PDE1C: variants seen among roughly 807,000 people sequenced by gnomAD.
PDE1C encodes the protein dual specificity calcium/calmodulin-dependent 3',5'-cyclic nucleotide phosphodiesterase 1C.
A neutral mutation model predicts 93.1 loss-of-function variants in PDE1C; 62 were observed. The observed-to-expected ratio is 0.67, with a 90% CI of 0.54 to 0.82. The LOEUF is 0.82. Ranked by LOEUF, PDE1C falls within the 40% of genes least tolerant of loss-of-function variation. The pLI, the probability that PDE1C is intolerant of heterozygous loss-of-function variation, is 0.00. For missense variants in PDE1C, 742 were observed against 884.6 expected, an observed-to-expected ratio of 0.84 and a Z score of 2.04; for synonymous variants, 325 against 310.1, an observed-to-expected ratio of 1.05 and a Z score of -0.50.
intron 1 of PDE1C, among the ~76,000 whole-genome samples, chr7:32,353,779 G>A (rs1317618401): frequency 6.6e-6 from 1 of 152,002 alleles, no homozygotes; most frequent in Non-Finnish European, 1.5e-5. Context: ...ATAGAAGAAG[G>A]TATTTTTCTC....
intron 2 of PDE1C, among the ~76,000 whole-genome samples, chr7:32,207,807 G>A (rs1366559003): frequency 6.6e-6 from 1 of 152,108 alleles, no homozygotes. Flanking sequence ...TCTGTGAAGG[G>A]ACAAATTGCC....
At chr7:31,790,176 G>T in intron 16 of PDE1C, 1 of 1,604,012 alleles carries the variant, frequency 6.2e-7, no homozygotes, top group Non-Finnish European at 8.5e-7. Flanking sequence ...GGAGAAGAAG[G>T]AGAATGAAGA....
intron 3 of PDE1C, among the ~76,000 whole-genome samples, chr7:32,122,988 A>C (rs959641134): frequency 6.6e-6 from 1 of 152,202 alleles, no homozygotes; most frequent in Admixed American, 6.5e-5. Flanking sequence ...AGAAGAAAAG[A>C]GACAAGAATA....
At chr7:32,080,799 A>G (rs1308463908) in intron 3 of PDE1C, among the ~76,000 whole-genome samples, 1 of 152,208 alleles carries the variant, frequency 6.6e-6, no homozygotes, top group Non-Finnish European at 1.5e-5. Context: ...TAAAAGAATA[A>G]CATATCTATG....
intron 2 of PDE1C, among the ~76,000 whole-genome samples, chr7:32,015,480 G>A (rs889410473): frequency 6.6e-5 from 10 of 152,052 alleles, no homozygotes; most frequent in East Asian, 1.9e-4. Flanking sequence ...AACATGCAGC[G>A]GAAATAAAAA....
the PDE1C span, among the ~76,000 whole-genome samples, chr7:31,690,305 T>C: frequency 6.6e-6 from 1 of 152,254 alleles, no homozygotes; most frequent in Non-Finnish European, 1.5e-5. Context: ...GTGCTAAGCA[T>C]GCAGCTATGC....
the PDE1C span, among the ~76,000 whole-genome samples, chr7:31,724,468 A>G: frequency 6.6e-6 from 1 of 152,198 alleles, no homozygotes; most frequent in Non-Finnish European, 1.5e-5. Context: ...TTTATCCAAT[A>G]TCATCCGAAA....
At chr7:31,824,742 A>C in intron 13 of PDE1C, 125 bp downstream of exon 13, 1 of 1,261,534 alleles carries the variant, frequency 7.9e-7, no homozygotes, top group Non-Finnish European at 1.1e-6. Context: ...AGGCAGACAA[A>C]TTTTTCTGAG....
chr7:31,683,878 T>C, the PDE1C span, among the ~76,000 whole-genome samples: 3 of 152,226 alleles, frequency 2.0e-5, no homozygotes, highest in Non-Finnish European at 4.4e-5. Flanking sequence ...GTGAAATATA[T>C]TCATTTAAAG....
intron 2 of PDE1C, among the ~76,000 whole-genome samples, chr7:31,920,630 A>C (rs945496220): frequency 1.3e-5 from 2 of 152,200 alleles, no homozygotes; most frequent in Non-Finnish European, 2.9e-5. Flanking sequence ...AAAAATAATA[A>C]AATTATCACA....
chr7:32,318,898 T>C, intron 1 of PDE1C, among the ~76,000 whole-genome samples: 1 of 152,180 alleles, frequency 6.6e-6, no homozygotes, highest in Non-Finnish European at 1.5e-5. Flanking sequence ...GGCTCTGGAC[T>C]GAGGTTCGGG....
chr7:31,715,452 T>C, the PDE1C span, among the ~76,000 whole-genome samples: 3 of 152,340 alleles, frequency 2.0e-5, no homozygotes, highest in East Asian at 5.8e-4. Flanking sequence ...TTGGCCAGGC[T>C]GGTCTCAAAC....
chr7:31,692,519 C>G, the PDE1C span: 1 of 1,595,836 alleles, frequency 6.3e-7, no homozygotes, highest in Non-Finnish European at 8.6e-7. Flanking sequence ...GTTGCAGCCA[C>G]TTAGGTAAAC....
chr7:32,109,726 T>C (rs1798540698), intron 3 of PDE1C, among the ~76,000 whole-genome samples: 1 of 152,180 alleles, frequency 6.6e-6, no homozygotes, highest in Non-Finnish European at 1.5e-5. Context: ...TCACCATGGC[T>C]GCTCTCTCTG....
At chr7:32,231,948 AAT>A (rs1807718796) in intron 1 of PDE1C, among the ~76,000 whole-genome samples, 2 of 131,198 alleles carry the variant, frequency 1.5e-5, no homozygotes, top group East Asian at 4.5e-4. Context: ...AAAACAAATA[AAT>A]ATGTGTATAC....
At chr7:32,025,432 T>C (rs754151583) in intron 2 of PDE1C, among the ~76,000 whole-genome samples, 43 of 151,992 alleles carry the variant, frequency 2.8e-4, no homozygotes, top group Non-Finnish European at 4.7e-4. Flanking sequence ...ATTAGGAGCA[T>C]GTATGTATTT....
intron 3 of PDE1C, among the ~76,000 whole-genome samples, chr7:32,101,459 G>A (rs192349733): frequency 6.6e-6 from 1 of 152,168 alleles, no homozygotes; most frequent in African/African-American, 2.4e-5. Context: ...GAGGTTTTTG[G>A]GTCATGGGGA....
chr7:31,895,223 G>A (rs1444965441), intron 2 of PDE1C, among the ~76,000 whole-genome samples: 2 of 152,174 alleles, frequency 1.3e-5, no homozygotes, highest in African/African-American at 4.8e-5. Context: ...GCACTGCCAT[G>A]GATGAGGGAC....
At chr7:31,961,265 C>T (rs983716935) in intron 2 of PDE1C, among the ~76,000 whole-genome samples, 3 of 149,962 alleles carry the variant, frequency 2.0e-5, no homozygotes, top group Admixed American at 1.3e-4. Context: ...TATATATACA[C>T]ACACACAGGC....
Sources: gnomAD v4.1 joint callset for allele counts (sites outside exome capture counted in the v4.1 genomes callset) on GRCh38, gnomAD v4.1.1 for gene constraint, MANE v1.5 for transcripts, NCBI Gene and HGNC (gene_info 2026-07-23, HGNC 2026-07-21) for gene names.